CSMD1: variants seen among roughly 807,000 people sequenced by gnomAD.
CSMD1 encodes the protein CUB and Sushi multiple domains 1.
In CSMD1, 213 loss-of-function variants were observed where a neutral mutation model predicts 417.5. The ratio of observed to expected loss-of-function variants is 0.51; its 90% CI spans 0.46 to 0.57. The LOEUF (loss-of-function observed/expected upper bound fraction) is 0.57. CSMD1 is among the 20% of genes least tolerant of loss of function. CSMD1 has a pLI of 0.00. For missense variants in CSMD1, 6,923 were observed against 4,529.7 expected (o/e 1.53, Z -15.17); for synonymous variants, 2,862 against 1,736.8 (o/e 1.65, Z -16.11).
At chr8:4,970,544 T>G (rs1810175816) in intron 1 of CSMD1, among the ~76,000 whole-genome samples, 1 of 152,114 alleles carries the variant, frequency 6.6e-6, no homozygotes. Flanking sequence ...ATGGTAACTT[T>G]GGACAACAGG....
At chr8:3,564,232 C>T (rs1487505614) in intron 10 of CSMD1, among the ~76,000 whole-genome samples, 1 of 152,038 alleles carries the variant, frequency 6.6e-6, no homozygotes, top group Admixed American at 6.6e-5. Flanking sequence ...CTATTGAATA[C>T]TAGAATTTTT....
intron 25 of CSMD1, among the ~76,000 whole-genome samples, chr8:3,305,445 A>G (rs953064280): frequency 6.6e-6 from 1 of 151,186 alleles, no homozygotes. Flanking sequence ...TGATTAGGTC[A>G]TAAGGGCTGG....
chr8:4,768,516 T>G (rs933925748), intron 1 of CSMD1, among the ~76,000 whole-genome samples: 3 of 152,234 alleles, frequency 2.0e-5, no homozygotes, highest in Admixed American at 6.5e-5. Flanking sequence ...TTATTTGGGA[T>G]GAAACTCTGT....
Position 3,106,956 on chromosome 8 carries a change from ATGGTTTAAGCAAGAC to A in CSMD1, c.6836-330_6836-316del, listed in dbSNP as rs1816188401. ...AGAAAAAAAAAGTAAAGTAGAAGCT[ATGGTTTAAGCAAGAC>A]TGTAAAATCAAATGGCTTTACAGCA... On this transcript the variant is annotated intron_variant, in intron 45 of 69. Transcript: ENST00000635120. 12 of 228,056 alleles carry A rather than the reference ATGGTTTAAGCAAGAC, an allele frequency of 5.3e-5. No individual in the cohort carries two copies. In the South Asian group the frequency reaches 1.0e-3, roughly 20 times the overall value. 14.1% of individuals were successfully genotyped at this position (228,056 alleles called of 1,614,324 possible).
At chr8:4,036,495 C>A (rs982122417) in intron 3 of CSMD1, among the ~76,000 whole-genome samples, 13 of 152,178 alleles carry the variant, frequency 8.5e-5, no homozygotes, top group Non-Finnish European at 1.5e-5. Context: ...AAACACCCAT[C>A]TCTTCAAACT....
At chr8:4,247,918 G>A (rs1361702062) in intron 3 of CSMD1, among the ~76,000 whole-genome samples, 1 of 152,112 alleles carries the variant, frequency 6.6e-6, no homozygotes, top group Admixed American at 6.6e-5. Context: ...ATATTAATGT[G>A]ATGTAGGTAC....
rs191614381 is a variant in CSMD1 at position 3,691,263 on chromosome 8, G to T, written c.1009+17151C>A. On this transcript the variant is annotated intron_variant, in intron 7 of 69. Coordinates refer to ENST00000635120, the MANE Select transcript of CSMD1 (RefSeq NM_033225.6). ...GGCACCTGTAATCCCAGCTACTCAG[G>T]AGGCTGAAGCAGGAGATCACTTGAC... Among the ~76,000 whole-genome samples, 4 of 152,174 alleles carry T rather than the reference G, an allele frequency of 2.6e-5. No homozygotes were observed. The East Asian group carries it at 7.7e-4, about 29-fold the overall frequency.
At chr8:3,371,642 T>C (rs1809952957) in intron 18 of CSMD1, among the ~76,000 whole-genome samples, 1 of 152,160 alleles carries the variant, frequency 6.6e-6, no homozygotes, top group Admixed American at 6.5e-5. Context: ...CTTCCACAAA[T>C]AATATTCACA....
intron 10 of CSMD1, among the ~76,000 whole-genome samples, chr8:3,569,663 C>G (rs566101065): frequency 6.6e-6 from 1 of 152,164 alleles, no homozygotes; most frequent in South Asian, 2.1e-4. Flanking sequence ...ATGTTCAATA[C>G]GTAATACACT....
At chr8:3,337,316 C>T (rs1416741162) in intron 23 of CSMD1, among the ~76,000 whole-genome samples, 1 of 152,158 alleles carries the variant, frequency 6.6e-6, no homozygotes, top group Non-Finnish European at 1.5e-5. Flanking sequence ...TTTAATTAAA[C>T]CTTTTTGTAT....
At chr8:3,767,563 C>G (rs1410073229) in intron 5 of CSMD1, among the ~76,000 whole-genome samples, 2 of 152,224 alleles carry the variant, frequency 1.3e-5, no homozygotes, top group Non-Finnish European at 2.9e-5. Context: ...AAGCTGATTG[C>G]TGACCTTATC....
chr8:3,562,441 C>G (rs1046097991), intron 10 of CSMD1, among the ~76,000 whole-genome samples: 1 of 51,512 alleles, frequency 1.9e-5, no homozygotes, highest in Non-Finnish European at 5.6e-5. Context: ...CACACGTGCA[C>G]ATACACATAC....
intron 3 of CSMD1, among the ~76,000 whole-genome samples, chr8:4,093,956 T>G (rs1472559468): frequency 1.4e-5 from 2 of 140,482 alleles, no homozygotes; most frequent in Admixed American, 7.2e-5. Context: ...TGACTGAGAC[T>G]ACATCTCAAA....
At chr8:4,202,465 T>A (rs1380994122) in intron 3 of CSMD1, among the ~76,000 whole-genome samples, 1 of 152,164 alleles carries the variant, frequency 6.6e-6, no homozygotes, top group Non-Finnish European at 1.5e-5. Context: ...ATTACGTAAG[T>A]TTTAACTAAG....
chr8:3,731,732 G>T (rs371823004), intron 6 of CSMD1, among the ~76,000 whole-genome samples: 22 of 152,162 alleles, frequency 1.4e-4, no homozygotes, highest in African/African-American at 5.1e-4. Context: ...GAATTTACAG[G>T]TAGAGAGACT....
chr8:2,942,830 C>G (rs936854583), intron 68 of CSMD1, among the ~76,000 whole-genome samples: 2 of 152,144 alleles, frequency 1.3e-5, no homozygotes, highest in Non-Finnish European at 2.9e-5. Context: ...ATGAAAGAGT[C>G]TCAACATTTA....
chr8:3,433,420 C>G (rs1376230230), intron 12 of CSMD1, among the ~76,000 whole-genome samples: 1 of 152,104 alleles, frequency 6.6e-6, no homozygotes, highest in Non-Finnish European at 1.5e-5. Context: ...CTTAATATCC[C>G]CTTTGCTCCT....
At chr8:4,403,934 T>C (rs995084399) in intron 3 of CSMD1, among the ~76,000 whole-genome samples, 1 of 152,182 alleles carries the variant, frequency 6.6e-6, no homozygotes, top group African/African-American at 2.4e-5. Flanking sequence ...CTTCGCCTTT[T>C]GAAGTGTCCT....
At chr8:4,953,483 G>T (rs1387534640) in intron 1 of CSMD1, among the ~76,000 whole-genome samples, 1 of 152,042 alleles carries the variant, frequency 6.6e-6, no homozygotes, top group Non-Finnish European at 1.5e-5. Context: ...AGCATTTCTG[G>T]ATGAACCCAA....
Sources: gnomAD v4.1 joint callset for allele counts (sites outside exome capture counted in the v4.1 genomes callset) on GRCh38, gnomAD v4.1.1 for gene constraint, MANE v1.5 for transcripts, NCBI Gene and HGNC (gene_info 2026-07-23, HGNC 2026-07-21) for gene names.